Variants in CDKL5 observed in about 807,000 individuals in gnomAD.
CDKL5 encodes the protein cyclin-dependent kinase-like 5.
A neutral mutation model predicts 61.7 loss-of-function variants in CDKL5; 8 were observed. The observed-to-expected ratio is 0.13, with a 90% CI of 0.08 to 0.23. CDKL5 has a LOEUF of 0.23. Among genes scored for constraint, CDKL5 ranks in the 10% least tolerant of loss-of-function variants. The pLI is 1.00. For missense variants in CDKL5, 440 were observed against 734.5 expected, an observed-to-expected ratio of 0.60 and a Z score of 4.63; for synonymous variants, 275 against 272.3, an observed-to-expected ratio of 1.01 and a Z score of -0.10.
chrX:18,442,698 G>A (rs1267368842), intron 1 of CDKL5, among the ~76,000 whole-genome samples: 3 of 111,084 alleles, frequency 2.7e-5, no homozygotes, highest in Admixed American at 1.9e-4. Context: ...GTTTCACCAT[G>A]TTAGCCAGGA....
At chrX:18,516,248 T>C (rs1182563168) in intron 3 of CDKL5, among the ~76,000 whole-genome samples, 1 of 109,599 alleles carries the variant, frequency 9.1e-6, no homozygotes, top group Non-Finnish European at 1.9e-5. Flanking sequence ...CCCAAAGTGC[T>C]GGGATGACAG....
chrX:18,603,868 G>A, intron 11 of CDKL5, 34 bp from the exon 12 acceptor site: 1 of 1,205,881 alleles, frequency 8.3e-7, no homozygotes, highest in East Asian at 3.0e-5. Flanking sequence ...AGCTATTGAG[G>A]GAAACTGATA....
Position 18,630,002 on chromosome X carries a change from C to A in CDKL5, c.*1245C>A. 1.3e-6 allele frequency: 1 copy of A among 754,217 alleles called. No homozygotes were observed. The highest frequency in any genetic ancestry group is 1.6e-6 in the Non-Finnish European group (1 of 639,313). 62.2% of individuals were successfully genotyped at this position (754,217 alleles called of 1,213,427 possible). On this transcript the variant is annotated 3_prime_UTR_variant, in exon 18 of 18. Transcript: ENST00000623535. ...AATATTGTCCACTGTCCCGGAGACT[C>A]TTGGCTGATGGGGTGTGAGATATAT...
chrX:18,646,240 G>A (rs1007255604), intron 20 of CDKL5: 42 of 908,911 alleles, frequency 4.6e-5, no homozygotes, highest in Non-Finnish European at 5.4e-5. Flanking sequence ...TGCAACCTCC[G>A]CCTCCCAGGT....
At chrX:18,516,477 C>A (rs1422547033) in intron 3 of CDKL5, among the ~76,000 whole-genome samples, 1 of 110,241 alleles carries the variant, frequency 9.1e-6, no homozygotes, top group Non-Finnish European at 1.9e-5. Context: ...AATTCTAATT[C>A]TTTGTATTTT....
chrX:18,625,290 G>C, intron 17 of CDKL5, 43 bp downstream of exon 17: 1 of 1,198,560 alleles, frequency 8.3e-7, no homozygotes, highest in South Asian at 1.8e-5. Flanking sequence ...CAACTCTCCA[G>C]TAACTGTCCT....
At chrX:18,454,607 A>G (rs1488938112) in intron 1 of CDKL5, among the ~76,000 whole-genome samples, 3 of 110,209 alleles carry the variant, frequency 2.7e-5, no homozygotes, top group African/African-American at 9.9e-5. Context: ...CCCAGGCTGG[A>G]GCGCAGTGGC....
At chrX:18,499,476 T>A (rs1470827009) in intron 1 of CDKL5, among the ~76,000 whole-genome samples, 2 of 107,881 alleles carry the variant, frequency 1.9e-5, no homozygotes, top group African/African-American at 6.8e-5. Context: ...TTCTCCTGCC[T>A]CAGCCTCCCG....
At chrX:18,588,653 C>T (rs945935566) in intron 9 of CDKL5, 6 of 113,404 alleles carry the variant, frequency 5.3e-5, no homozygotes, top group African/African-American at 2.0e-4. Flanking sequence ...TGGCTCACTC[C>T]TGTAATCCCA....
At chrX:18,452,791 T>C (rs1055580213) in intron 1 of CDKL5, among the ~76,000 whole-genome samples, 5 of 107,177 alleles carry the variant, frequency 4.7e-5, no homozygotes, top group African/African-American at 1.7e-4. Context: ...TATAGTATCA[T>C]TGCATCACTA....
intron 3 of CDKL5, among the ~76,000 whole-genome samples, chrX:18,513,592 G>A (rs1306144575): frequency 9.0e-6 from 1 of 111,719 alleles, no homozygotes; most frequent in Middle Eastern, 4.2e-3. Flanking sequence ...AGCTCTTTAA[G>A]TATTGTAGCT....
rs888325600 is a variant in CDKL5, at chrX:18,613,193, G to A, written c.2194G>A (p.Val732Met). 1.2e-5 allele frequency: 14 copies of A among 1,185,261 alleles called. No individual in the cohort carries two copies. Among genetic ancestry groups the A allele is most frequent in the South Asian group, 1.8e-5 (1 of 56,271 alleles). The change falls in exon 15 of 18, where the codon GTG (valine) becomes ATG (methionine). Residue 732 changes from valine to methionine, a missense_variant. This residue lies in a region of CDKL5 where 363 missense variants were observed against 516.3 expected (regional missense o/e 0.70). Coordinates refer to ENST00000623535, the MANE Select transcript of CDKL5 (RefSeq NM_001323289.2). ...AGACAATTCTTTCCATGAAAATAAT[G>A]TGTCAACTAGAGTTTCTTCTCTACC... ...RPDNSFHENNVSTRVSSLPSE... is the reference protein window; with the variant it reads ...RPDNSFHENNMSTRVSSLPSE...
intron 2 of CDKL5, among the ~76,000 whole-genome samples, chrX:18,509,197 G>GCACACACACACACACACACACACACA (rs60516677): frequency 6.2e-5 from 4 of 64,314 alleles, no homozygotes; most frequent in Non-Finnish European, 1.1e-4. Context: ...CTCAAAACAC[G>GCACACACACACACACACACACACACA]CACACACACA....
rs1389285694 is a variant in CDKL5 at position 18,507,118 on chromosome X, A to G, written c.22A>G (p.Asn8Asp). 8.3e-7 allele frequency: 1 copy of G among 1,201,379 alleles called. No homozygotes were observed. The highest frequency in any genetic ancestry group is 2.2e-5 in the Admixed American group (1 of 45,888). Reference protein sequence around the residue: MKIPNIGNVMNKFEILGV... With the variant: MKIPNIGDVMNKFEILGV... ...CTTCATGAAGATTCCTAACATTGGT[A>G]ATGTGATGAATAAATTTGAGATCCT... is the stretch of plus-strand genomic sequence containing the variant. The change falls in exon 2 of 18, where the codon AAT becomes GAT. Residue 8 changes from asparagine (N) to aspartate (D), a missense_variant. Asn to Asp is a conservative substitution (Grantham distance 23). Around this residue, in one of 2 missense-constraint regions of CDKL5, gnomAD observed 77 missense variants for 218.2 expected, o/e 0.35. Transcript: ENST00000623535.
At chrX:18,592,125 C>T (rs1025216238) in intron 9 of CDKL5, among the ~76,000 whole-genome samples, 10 of 112,128 alleles carry the variant, frequency 8.9e-5, no homozygotes, top group Admixed American at 4.7e-4. Context: ...GGCTGTATGC[C>T]GGATTCTCTG....
intron 15 of CDKL5, among the ~76,000 whole-genome samples, chrX:18,619,461 C>T (rs1393439542): frequency 9.0e-6 from 1 of 111,212 alleles, no homozygotes; most frequent in Non-Finnish European, 1.9e-5. Flanking sequence ...ATAAACTTGT[C>T]GAGCTGGTTT....
intron 1 of CDKL5, among the ~76,000 whole-genome samples, chrX:18,470,469 A>G (rs1921054185): frequency 9.0e-6 from 1 of 111,142 alleles, no homozygotes; most frequent in African/African-American, 3.3e-5. Flanking sequence ...AGCTTTCAGA[A>G]TGGGTTTAAT....
chrX:18,644,472 G>T, downstream of CDKL5: 1 of 1,211,384 alleles, frequency 8.3e-7, no homozygotes. Flanking sequence ...TCCAGTTCAG[G>T]CGCTCATCGG....
rs1927277584 is a variant in CDKL5 at position 18,633,009 on chromosome X, G to GGT, written c.*4254_*4255dup. 1.3e-6 allele frequency: 1 copy of GGT among 752,531 alleles called. No homozygotes were observed. Among genetic ancestry groups the GGT allele is most frequent in the Non-Finnish European group, 1.6e-6 (1 of 638,789 alleles). 62.0% of individuals were successfully genotyped at this position (752,531 alleles called of 1,213,427 possible). A position where few individuals can be genotyped will look rare whatever the true frequency, so the allele number is the denominator to read the frequency against. On this transcript the variant is annotated 3_prime_UTR_variant, in exon 18 of 18. Transcript: ENST00000623535. ...GTCTATTTCTGTTCACCTGGGACCT[G>GGT]GTGGTGACTGAACTCTTTCAGCAAG...
Sources: allele counts gnomAD v4.1 joint callset (sites outside exome capture counted in the v4.1 genomes callset), GRCh38; gene constraint gnomAD v4.1.1; regional missense constraint gnomAD v4.1.1; transcripts MANE v1.5; gene names NCBI Gene and HGNC (gene_info 2026-07-23, HGNC 2026-07-21).